PLA2G4A: variants seen among roughly 807,000 people sequenced by gnomAD.
PLA2G4A encodes the protein phospholipase A2 group IVA.
In PLA2G4A, 40 loss-of-function variants were observed where a neutral mutation model predicts 81.9. The observed-to-expected ratio is 0.49, with a 90% confidence interval of 0.38 to 0.64. The LOEUF (loss-of-function observed/expected upper bound fraction) is 0.64, where lower values mean the gene tolerates loss of function less well. Among genes scored for constraint, PLA2G4A ranks in the 30% least tolerant of loss-of-function variants. The pLI, the probability that PLA2G4A is intolerant of heterozygous loss-of-function variation, is 0.00. For missense variants in PLA2G4A, 715 were observed against 905.1 expected (o/e 0.79, Z 2.69); for synonymous variants, 302 against 296.9 (o/e 1.02, Z -0.18).
chr1:186,880,352 C>T (rs1401390224), intron 3 of PLA2G4A, among the ~76,000 whole-genome samples: 1 of 151,714 alleles, frequency 6.6e-6, no homozygotes, highest in African/African-American at 2.4e-5. Context: ...CATAATCTGT[C>T]CAATATATAT....
chr1:186,956,065 T>A (rs1236686902), intron 13 of PLA2G4A, 37 bp from the exon 14 acceptor site: 1 of 1,596,294 alleles, frequency 6.3e-7, no homozygotes, highest in Admixed American at 1.7e-5. Flanking sequence ...AAACATGTAT[T>A]TTGGAGTCTG....
rs12720627 is a variant in PLA2G4A, at chr1:186,947,443, G to C, written c.1264+482G>C. 4.6e-3 allele frequency among the ~76,000 whole-genome samples: 706 copies of C among 152,082 alleles called. 2 individuals carry two copies. Among genetic ancestry groups the C allele is most frequent in the Non-Finnish European group, 7.8e-3 (531 of 67,962 alleles). Reference sequence around the variant, plus strand: ...AAGGAAAAAAATCAAATCACCTCTAGTACACTTAAACTAATGATTTTCATT... The same window carrying C: ...AAGGAAAAAAATCAAATCACCTCTACTACACTTAAACTAATGATTTTCATT... On this transcript the variant is annotated intron_variant, in intron 12 of 17. Coordinates refer to ENST00000367466, the MANE Select transcript of PLA2G4A (RefSeq NM_024420.3).
intron 13 of PLA2G4A, among the ~76,000 whole-genome samples, chr1:186,953,101 C>G (rs781094461): frequency 5.9e-5 from 9 of 152,170 alleles, no homozygotes; most frequent in Non-Finnish European, 1.2e-4. Flanking sequence ...ATTGCTGGAT[C>G]ATATGGTAAG....
chr1:186,852,326 G>A lies in PLA2G4A; in HGVS notation c.-69-1960G>A, dbSNP rs1161415096. ...AATACAGTCAGGGAAGACTCCACTG[G>A]AAAGATGATATTGGAATAAAATCCT... On this transcript the variant is annotated intron_variant, in intron 1 of 17. Transcript: ENST00000367466. 9.2e-5 allele frequency among the ~76,000 whole-genome samples: 14 copies of A among 151,994 alleles called. No individual in the cohort carries two copies. The Admixed American group carries it at 9.2e-4, about 10-fold the overall frequency.
At chr1:186,895,580 T>C (rs1026425743) in intron 5 of PLA2G4A, among the ~76,000 whole-genome samples, 3 of 151,734 alleles carry the variant, frequency 2.0e-5, no homozygotes, top group Non-Finnish European at 4.4e-5. Flanking sequence ...GGGAAGGAGG[T>C]GAGTAAAGGT....
intron 3 of PLA2G4A, among the ~76,000 whole-genome samples, chr1:186,887,781 T>A (rs1653987215): frequency 6.6e-6 from 1 of 152,202 alleles, no homozygotes; most frequent in Admixed American, 6.6e-5. Context: ...TTGGGCTGTG[T>A]TTACTGTCAA....
At chr1:186,926,289 T>C (rs940040973) in intron 7 of PLA2G4A, among the ~76,000 whole-genome samples, 2 of 152,200 alleles carry the variant, frequency 1.3e-5, no homozygotes, top group Admixed American at 6.5e-5. Flanking sequence ...CTGCAACAGA[T>C]GGGGAATGAG....
intron 15 of PLA2G4A, among the ~76,000 whole-genome samples, chr1:186,974,939 C>G (rs1400477363): frequency 1.3e-5 from 2 of 152,152 alleles, no homozygotes; most frequent in Non-Finnish European, 2.9e-5. Context: ...CTGATTCTAG[C>G]GTGAAGTGAA....
intron 2 of PLA2G4A, among the ~76,000 whole-genome samples, chr1:186,866,351 A>G (rs544727001): frequency 6.6e-6 from 1 of 152,310 alleles, no homozygotes; most frequent in South Asian, 2.1e-4. Context: ...TTATAAAGAG[A>G]TGGGCACAGA....
chr1:186,929,778 T>C (rs1438652026), intron 7 of PLA2G4A, among the ~76,000 whole-genome samples: 2 of 152,200 alleles, frequency 1.3e-5, no homozygotes, highest in Non-Finnish European at 1.5e-5. Flanking sequence ...AATGGGGTTA[T>C]AGGCCCAGTG....
chr1:186,923,978 A>G (rs1025423795), intron 7 of PLA2G4A, among the ~76,000 whole-genome samples: 70 of 152,346 alleles, frequency 4.6e-4, no homozygotes, highest in African/African-American at 1.6e-3. Context: ...GACATACTCC[A>G]TAACTGATGC....
intron 5 of PLA2G4A, among the ~76,000 whole-genome samples, chr1:186,897,621 GT>G (rs1654379076): frequency 6.6e-6 from 1 of 152,050 alleles, no homozygotes; most frequent in African/African-American, 2.4e-5. Flanking sequence ...CCATTCCCGT[GT>G]CTCAGCCTCC....
intron 7 of PLA2G4A, among the ~76,000 whole-genome samples, chr1:186,930,246 A>G (rs1254951447): frequency 6.6e-6 from 1 of 152,224 alleles, no homozygotes; most frequent in African/African-American, 2.4e-5. Flanking sequence ...ACGTACAAAT[A>G]TCTGAACATT....
At position 186,878,301 on chromosome 1, in the gene PLA2G4A, T is replaced by A. The variant is rs60010517; in HGVS notation, c.115+7785T>A. 3.6e-5 allele frequency among the ~76,000 whole-genome samples: 3 copies of A among 82,772 alleles called. No individual in the cohort carries two copies. The Admixed American group carries it at 4.1e-4, about 11-fold the overall frequency. 54.3% of individuals were successfully genotyped at this position (82,772 alleles called of 152,430 possible). On this transcript the variant is annotated intron_variant, in intron 3 of 17. Coordinates refer to ENST00000367466, the MANE Select transcript of PLA2G4A (RefSeq NM_024420.3). ...TATATAAATATATCTTTTCTGATAT[T>A]TTTATATATATCTATATAAATATAT...
chr1:186,838,423 GTC>G (rs1386513128), intron 1 of PLA2G4A, among the ~76,000 whole-genome samples: 1 of 152,152 alleles, frequency 6.6e-6, no homozygotes, highest in African/African-American at 2.4e-5. Context: ...AAATGAATGA[GTC>G]TGTAGAACAG....
chr1:186,841,895 C>T (rs1259498124), intron 1 of PLA2G4A, among the ~76,000 whole-genome samples: 3 of 151,616 alleles, frequency 2.0e-5, no homozygotes, highest in Non-Finnish European at 4.4e-5. Flanking sequence ...CCTTGTGCTT[C>T]GTTTATGTAG....
chr1:186,956,665 C>A (rs1451471219), intron 14 of PLA2G4A, among the ~76,000 whole-genome samples: 4 of 152,010 alleles, frequency 2.6e-5, no homozygotes, highest in African/African-American at 7.2e-5. Flanking sequence ...AGGTGCACAC[C>A]ACCATACCCA....
rs932272705 is a variant in PLA2G4A at position 186,949,505 on chromosome 1, A to C, written c.1265-1152A>C. 5.3e-5 allele frequency among the ~76,000 whole-genome samples: 8 copies of C among 152,276 alleles called. No homozygotes were observed. In the East Asian group the frequency reaches 5.8e-4, roughly 11 times the overall value. ...ACACCTAATGTATATGGCACCTGGG[A>C]TAGATCATTTCTTAACATCTCCCAC... On this transcript the variant is annotated intron_variant, in intron 12 of 17. Transcript: ENST00000367466.
At chr1:186,912,749 T>G (rs6682327) in intron 7 of PLA2G4A, among the ~76,000 whole-genome samples, 36,326 of 140,938 alleles carry the variant, frequency 0.26, 5,054 homozygotes, top group Admixed American at 0.4. Context: ...TACATATATA[T>G]GTATATATAT....
Sources: allele counts gnomAD v4.1 joint callset (sites outside exome capture counted in the v4.1 genomes callset), GRCh38; gene constraint gnomAD v4.1.1; transcripts MANE v1.5; gene names NCBI Gene and HGNC (gene_info 2026-07-23, HGNC 2026-07-21).